PLCL2: variants seen among roughly 807,000 people sequenced by gnomAD.
PLCL2 encodes the protein phospholipase C like 2, also known as inactive phospholipase C-like protein 2.
A neutral mutation model predicts 79.6 loss-of-function variants in PLCL2; 4 were observed. The observed-to-expected ratio is 0.05, with a 90% CI of 0.02 to 0.11. The LOEUF (loss-of-function observed/expected upper bound fraction) is 0.11. PLCL2 is among the 10% of genes least tolerant of loss of function. The pLI, the probability that PLCL2 is intolerant of heterozygous loss-of-function variation, is 1.00. For synonymous variants in PLCL2, 484 were observed against 457.7 expected, an observed-to-expected ratio of 1.06 and a Z score of -0.73; for missense variants, 895 against 1,291.0, an observed-to-expected ratio of 0.69 and a Z score of 4.70.
chr3:16,913,365 A>T (rs531732511), intron 1 of PLCL2, among the ~76,000 whole-genome samples: 22 of 151,232 alleles, frequency 1.5e-4, no homozygotes, highest in Middle Eastern at 6.9e-3. Context: ...TGTATCTTTT[A>T]TCTAGTAAGA....
At chr3:17,028,843 C>G (rs1247091243) in intron 3 of PLCL2, among the ~76,000 whole-genome samples, 1 of 152,150 alleles carries the variant, frequency 6.6e-6, no homozygotes. Flanking sequence ...ACATTGCGTT[C>G]TCAGCACCGA....
chr3:17,064,525 C>T (rs2064988264), intron 4 of PLCL2, among the ~76,000 whole-genome samples: 1 of 152,066 alleles, frequency 6.6e-6, no homozygotes, highest in South Asian at 2.1e-4. Context: ...CCTTGTGATT[C>T]CCTTGGTTGC....
chr3:17,057,402 T>A (rs1039796364), intron 4 of PLCL2, among the ~76,000 whole-genome samples: 6 of 152,118 alleles, frequency 3.9e-5, no homozygotes, highest in African/African-American at 1.4e-4. Context: ...GGGGACTCAG[T>A]GATTGGTTCT....
intron 3 of PLCL2, among the ~76,000 whole-genome samples, chr3:17,020,003 G>A (rs1031269015): frequency 2.6e-5 from 4 of 151,974 alleles, no homozygotes; most frequent in African/African-American, 7.2e-5. Flanking sequence ...CTGGCATTTC[G>A]GTGCATCTCC....
At chr3:17,087,529 G>A (rs1026181317) in intron 5 of PLCL2, among the ~76,000 whole-genome samples, 1 of 152,224 alleles carries the variant, frequency 6.6e-6, no homozygotes, top group Non-Finnish European at 1.5e-5. Context: ...GCAAAGCACA[G>A]AGGAATTTTA....
intron 3 of PLCL2, among the ~76,000 whole-genome samples, chr3:17,019,255 G>A (rs2064420119): frequency 1.3e-5 from 2 of 152,168 alleles, no homozygotes; most frequent in South Asian, 4.1e-4. Context: ...GGAAATCCAG[G>A]CTTGGACTGT....
chr3:16,992,577 GGT>G (rs756628987), intron 1 of PLCL2, among the ~76,000 whole-genome samples: 1 of 152,214 alleles, frequency 6.6e-6, no homozygotes, highest in Non-Finnish European at 1.5e-5. Context: ...AGCATCCAAA[GGT>G]GTGTGGTGAG....
intron 4 of PLCL2, among the ~76,000 whole-genome samples, chr3:17,065,421 A>G (rs1266461775): frequency 1.3e-5 from 2 of 152,180 alleles, no homozygotes; most frequent in East Asian, 3.8e-4. Flanking sequence ...AGTTTCTGAA[A>G]GCTGTTTTCT....
chr3:17,065,325 C>G (rs1356242813), intron 4 of PLCL2, among the ~76,000 whole-genome samples: 1 of 152,138 alleles, frequency 6.6e-6, no homozygotes, highest in Non-Finnish European at 1.5e-5. Flanking sequence ...TTTATCCTTT[C>G]AACTCTGTTG....
At position 16,904,709 on chromosome 3, in the gene PLCL2, A is replaced by G. The variant is rs148575016; in HGVS notation, c.327+19343A>G. 3.9e-3 allele frequency among the ~76,000 whole-genome samples: 598 copies of G among 152,228 alleles called. 3 individuals carry two copies. Among genetic ancestry groups the G allele is most frequent in the Non-Finnish European group, 6.9e-3 (467 of 68,004 alleles). ...GAATTGTAGTTCCCGTAATCCCTAC[A>G]TGTCATGGGAGGGACCTGGTGGGAG... On this transcript the variant is annotated intron_variant, in intron 1 of 5. Transcript: ENST00000615277.
At chr3:17,042,585 G>A (rs1191772911) in intron 3 of PLCL2, among the ~76,000 whole-genome samples, 3 of 152,134 alleles carry the variant, frequency 2.0e-5, no homozygotes, top group Admixed American at 6.6e-5. Flanking sequence ...AGCTTTTCAC[G>A]CTGAAATGAA....
intron 1 of PLCL2, among the ~76,000 whole-genome samples, chr3:16,948,599 A>G (rs1375442811): frequency 1.3e-5 from 2 of 152,196 alleles, no homozygotes; most frequent in South Asian, 2.1e-4. Context: ...CATTTAATGA[A>G]ATGGAAGAGA....
At chr3:16,908,472 A>G (rs1245055352) in intron 1 of PLCL2, among the ~76,000 whole-genome samples, 1 of 152,140 alleles carries the variant, frequency 6.6e-6, no homozygotes, top group African/African-American at 2.4e-5. Context: ...TTTTCTTTTA[A>G]TGTACCCTAG....
At chr3:17,032,774 C>A (rs1048434776) in intron 3 of PLCL2, among the ~76,000 whole-genome samples, 4 of 152,114 alleles carry the variant, frequency 2.6e-5, no homozygotes, top group Non-Finnish European at 5.9e-5. Context: ...TATGCTGTAT[C>A]CAAATGGTTA....
chr3:16,955,284 A>C (rs1277750891), intron 1 of PLCL2, among the ~76,000 whole-genome samples: 2 of 152,178 alleles, frequency 1.3e-5, no homozygotes, highest in Non-Finnish European at 2.9e-5. Flanking sequence ...TAAATAGGGA[A>C]TCTTTCCTCC....
intron 1 of PLCL2, among the ~76,000 whole-genome samples, chr3:16,964,760 C>T (rs1362155574): frequency 2.0e-5 from 3 of 152,112 alleles, no homozygotes; most frequent in Non-Finnish European, 2.9e-5. Flanking sequence ...TTGCATTTCT[C>T]TGATGGCCAG....
At chr3:17,021,137 G>T (rs1277893427) in intron 3 of PLCL2, among the ~76,000 whole-genome samples, 1 of 152,130 alleles carries the variant, frequency 6.6e-6, no homozygotes, top group Non-Finnish European at 1.5e-5. Context: ...TTGTGCTTTG[G>T]GATAAGAATA....
chr3:17,082,606 A>T (rs912418035), intron 5 of PLCL2, among the ~76,000 whole-genome samples: 1 of 152,134 alleles, frequency 6.6e-6, no homozygotes, highest in African/African-American at 2.4e-5. Context: ...CCAAAGGCCT[A>T]TTCTGTTTAA....
At chr3:16,974,962 G>A (rs1007402779) in intron 1 of PLCL2, among the ~76,000 whole-genome samples, 3 of 152,152 alleles carry the variant, frequency 2.0e-5, no homozygotes, top group Admixed American at 6.5e-5. Context: ...TCCTGCTTCT[G>A]TTTAGTTTCG....
Sources: allele counts gnomAD v4.1 joint callset (sites outside exome capture counted in the v4.1 genomes callset), GRCh38; gene constraint gnomAD v4.1.1; transcripts MANE v1.5; gene names NCBI Gene and HGNC (gene_info 2026-07-23, HGNC 2026-07-21).